Variants in CERS6 observed in about 807,000 individuals in gnomAD.
CERS6 encodes the protein ceramide synthase 6, also known as LAG1 homolog, ceramide synthase 6.
CERS6 carries 26 observed loss-of-function variants against 56.8 expected under a neutral mutation model. The observed-to-expected ratio is 0.46, with a 90% CI of 0.34 to 0.63. CERS6 has a LOEUF of 0.63. Among genes scored for constraint, CERS6 ranks in the 30% least tolerant of loss-of-function variants. The pLI is 0.01. For synonymous variants in CERS6, 164 were observed against 173.3 expected (o/e 0.95, Z 0.42); for missense variants, 415 against 467.5 (o/e 0.89, Z 1.04).
At chr2:168,546,096 C>T (rs956583529) in intron 1 of CERS6, among the ~76,000 whole-genome samples, 1 of 152,152 alleles carries the variant, frequency 6.6e-6, no homozygotes, top group Non-Finnish European at 1.5e-5. Context: ...GTCAAGGAAA[C>T]AAGTTCTAGA....
At position 168,652,825 on chromosome 2, in the gene CERS6, C is replaced by T. The variant is rs138516976; in HGVS notation, c.465+21783C>T. On this transcript the variant is annotated intron_variant, in intron 4 of 9. Coordinates refer to ENST00000305747, the MANE Select transcript of CERS6 (RefSeq NM_203463.3). ...ATCTTCCTCATGCACATCTGGAAGC[C>T]TCACCAATGCACAGACACGTGCTCT... 1.2e-4 allele frequency among the ~76,000 whole-genome samples: 19 copies of T among 152,272 alleles called. No homozygotes were observed. The East Asian group carries it at 3.7e-3, about 29-fold the overall frequency.
At chr2:168,642,520 T>A (rs1013041370) in intron 4 of CERS6, among the ~76,000 whole-genome samples, 11 of 152,172 alleles carry the variant, frequency 7.2e-5, no homozygotes, top group Non-Finnish European at 1.5e-4. Context: ...GTCCCATCAC[T>A]AAGAAGTGAG....
intron 4 of CERS6, among the ~76,000 whole-genome samples, chr2:168,636,543 G>A (rs1012992883): frequency 6.6e-6 from 1 of 152,114 alleles, no homozygotes. Flanking sequence ...GGAATTATTT[G>A]TGTAAGTCCA....
At chr2:168,631,550 T>A (rs13024425) in intron 4 of CERS6, among the ~76,000 whole-genome samples, 20,439 of 47,554 alleles carry the variant, frequency 0.43, 4,054 homozygotes, top group Middle Eastern at 0.62. Context: ...TATATTATAT[T>A]TTTAATATTT....
chr2:168,764,378 G>A (rs1251673493), intron 8 of CERS6, among the ~76,000 whole-genome samples: 1 of 151,978 alleles, frequency 6.6e-6, no homozygotes, highest in Non-Finnish European at 1.5e-5. Flanking sequence ...TCCTGACCTC[G>A]TGATCCGCCC....
At chr2:168,470,769 C>T (rs1693961999) in intron 1 of CERS6, among the ~76,000 whole-genome samples, 1 of 152,118 alleles carries the variant, frequency 6.6e-6, no homozygotes, top group African/African-American at 2.4e-5. Flanking sequence ...AGGGTTCAGG[C>T]AGTCAAGTGG....
intron 8 of CERS6, among the ~76,000 whole-genome samples, chr2:168,750,151 G>T (rs550170198): frequency 1.1e-4 from 17 of 152,234 alleles, no homozygotes; most frequent in Admixed American, 9.8e-4. Flanking sequence ...TCTCAATTTG[G>T]TCTGGTATCT....
intron 1 of CERS6, among the ~76,000 whole-genome samples, chr2:168,542,605 A>C (rs1477347872): frequency 1.3e-5 from 2 of 152,236 alleles, no homozygotes; most frequent in Admixed American, 1.3e-4. Context: ...AGTAGTTAGA[A>C]CAATGACATA....
At chr2:168,614,976 C>T (rs529439738) in intron 3 of CERS6, among the ~76,000 whole-genome samples, 24 of 152,230 alleles carry the variant, frequency 1.6e-4, no homozygotes, top group Admixed American at 1.4e-3. Context: ...CATTTCACCC[C>T]CCCTGCCACC....
chr2:168,639,465 T>A (rs965063078), intron 4 of CERS6, among the ~76,000 whole-genome samples: 7 of 152,168 alleles, frequency 4.6e-5, no homozygotes, highest in Admixed American at 3.9e-4. Context: ...CTCAAGTGTG[T>A]TTTTTCTAAA....
At chr2:168,758,134 TA>T (rs1473974606) in intron 8 of CERS6, among the ~76,000 whole-genome samples, 1 of 152,224 alleles carries the variant, frequency 6.6e-6, no homozygotes, top group Non-Finnish European at 1.5e-5. Flanking sequence ...GCTAGCAGAT[TA>T]GTCATCTTAG....
At chr2:168,588,673 C>T (rs1003872242) in intron 3 of CERS6, among the ~76,000 whole-genome samples, 6 of 152,076 alleles carry the variant, frequency 3.9e-5, no homozygotes, top group African/African-American at 1.4e-4. Flanking sequence ...GGGTTGCTTC[C>T]ACCTCTTGGC....
At position 168,774,880 on chromosome 2, in the gene CERS6, C is replaced by T. The variant is rs1684962943; in HGVS notation, c.*5218C>T. ...GGTGTTTGGATTTGATTTTTTTCAA[C>T]TTGCAGTGAGAAATAGGATAGGTGA... On this transcript the variant is annotated 3_prime_UTR_variant, in exon 10 of 10. Coordinates refer to ENST00000305747, the MANE Select transcript of CERS6 (RefSeq NM_203463.3). 1 of 152,028 alleles carries T rather than the reference C, an allele frequency of 6.6e-6. No homozygotes were observed. The highest frequency in any genetic ancestry group is 1.5e-5 in the Non-Finnish European group (1 of 68,010). The allele number at this position is 152,028 out of a possible 1,614,324, so 9.4% of individuals were successfully genotyped here.
chr2:168,529,464 G>A (rs116569837), intron 1 of CERS6, among the ~76,000 whole-genome samples: 35 of 152,272 alleles, frequency 2.3e-4, no homozygotes, highest in Admixed American at 7.8e-4. Context: ...AGTCTTCTGT[G>A]GTAGATCAGG....
intron 4 of CERS6, among the ~76,000 whole-genome samples, chr2:168,657,815 C>T (rs1310874675): frequency 6.6e-6 from 1 of 152,232 alleles, no homozygotes; most frequent in Non-Finnish European, 1.5e-5. Context: ...CCCGCTCGTG[C>T]CTCTCCCTCC....
chr2:168,466,555 AAGC>A (rs1693881777), intron 1 of CERS6, among the ~76,000 whole-genome samples: 1 of 152,250 alleles, frequency 6.6e-6, no homozygotes, highest in Admixed American at 6.5e-5. Flanking sequence ...ATCTGATTAG[AAGC>A]AGTCAGGTAC....
intron 8 of CERS6, among the ~76,000 whole-genome samples, chr2:168,732,906 G>A (rs1453084208): frequency 6.6e-6 from 1 of 152,048 alleles, no homozygotes; most frequent in East Asian, 1.9e-4. Flanking sequence ...ATGCTTGGTT[G>A]TGTGTTTACA....
At chr2:168,686,113 A>G (rs1039690584) in intron 4 of CERS6, among the ~76,000 whole-genome samples, 1 of 147,190 alleles carries the variant, frequency 6.8e-6, no homozygotes, top group African/African-American at 2.5e-5. Context: ...GAAATTTCTC[A>G]TCGTTCTGGA....
intron 8 of CERS6, among the ~76,000 whole-genome samples, chr2:168,730,241 A>G (rs982781867): frequency 2.0e-5 from 3 of 152,222 alleles, no homozygotes; most frequent in African/African-American, 7.2e-5. Flanking sequence ...TCCTGCCTTT[A>G]TCCACAGCTG....
Sources: allele counts gnomAD v4.1 joint callset (sites outside exome capture counted in the v4.1 genomes callset), GRCh38; gene constraint gnomAD v4.1.1; transcripts MANE v1.5; gene names NCBI Gene and HGNC (gene_info 2026-07-23, HGNC 2026-07-21).